SEMA6D: variants seen among roughly 807,000 people sequenced by gnomAD.
SEMA6D encodes the protein semaphorin-6D.
Under a neutral mutation model 106.6 loss-of-function variants are expected in SEMA6D, and 35 were observed. The observed-to-expected ratio is 0.33, with a 90% CI of 0.25 to 0.44. The LOEUF (loss-of-function observed/expected upper bound fraction) is 0.44, where lower values mean the gene tolerates loss of function less well. SEMA6D is among the 20% of genes least tolerant of loss of function. The pLI, the probability that SEMA6D is intolerant of heterozygous loss-of-function variation, is 1.00. For missense variants in SEMA6D, 1,185 were observed against 1,345.9 expected (o/e 0.88, Z 1.87); for synonymous variants, 499 against 487.7 (o/e 1.02, Z -0.31).
intron 1 of SEMA6D, among the ~76,000 whole-genome samples, chr15:47,203,796 T>C (rs1309908105): frequency 6.6e-6 from 1 of 152,228 alleles, no homozygotes; most frequent in Non-Finnish European, 1.5e-5. Context: ...TAAGAGTTAT[T>C]GAATGAATCT....
rs118039232 is a variant in SEMA6D, at chr15:47,567,929, G to A, written c.-86-32936G>A. On this transcript the variant is annotated intron_variant, in intron 3 of 19. Coordinates refer to the SEMA6D transcript ENST00000558014. ...AAAATTTAAATAGGTGATGCCGAGAGCGAGAAACCCACATGGCCAATAAAC... is the reference window on the plus strand; with the variant it reads ...AAAATTTAAATAGGTGATGCCGAGAACGAGAAACCCACATGGCCAATAAAC... Among the ~76,000 whole-genome samples the A allele has an allele frequency of 9.9e-3, 1,514 of 152,258 alleles. 10 individuals carry two copies. The highest frequency in any genetic ancestry group is 0.021 in the Admixed American group (317 of 15,292).
intron 3 of SEMA6D, among the ~76,000 whole-genome samples, chr15:47,565,277 ACCCCAGCT>A (rs1364699038): frequency 6.6e-6 from 1 of 152,124 alleles, no homozygotes; most frequent in Non-Finnish European, 1.5e-5. Flanking sequence ...CAAAGCGCTC[ACCCCAGCT>A]CCTGCACCCA....
At chr15:47,366,851 T>G (rs1366906196) in intron 1 of SEMA6D, among the ~76,000 whole-genome samples, 1 of 152,170 alleles carries the variant, frequency 6.6e-6, no homozygotes, top group African/African-American at 2.4e-5. Flanking sequence ...ATAGAATCCT[T>G]GTTAAACTCT....
chr15:47,401,965 C>G (rs1487161923), intron 1 of SEMA6D, among the ~76,000 whole-genome samples: 1 of 152,094 alleles, frequency 6.6e-6, no homozygotes, highest in Non-Finnish European at 1.5e-5. Context: ...GCCTCCCAAG[C>G]CAGAATTGGT....
chr15:47,393,772 T>G (rs1423613431), intron 1 of SEMA6D, among the ~76,000 whole-genome samples: 1 of 152,212 alleles, frequency 6.6e-6, no homozygotes, highest in East Asian at 1.9e-4. Flanking sequence ...CATAAATATG[T>G]TAGAAGTTGT....
chr15:47,375,256 G>A (rs2039408854), intron 1 of SEMA6D, among the ~76,000 whole-genome samples: 1 of 152,222 alleles, frequency 6.6e-6, no homozygotes, highest in Admixed American at 6.5e-5. Flanking sequence ...GGTCTAGGAA[G>A]TTATGGGATG....
At chr15:47,299,558 A>G (rs2035937888) in intron 1 of SEMA6D, among the ~76,000 whole-genome samples, 1 of 152,240 alleles carries the variant, frequency 6.6e-6, no homozygotes, top group Admixed American at 6.5e-5. Flanking sequence ...TTAAATGAAG[A>G]TGAACATTTT....
In SEMA6D at chr15:47,652,164, A is replaced by C. The variant is rs193234366; in HGVS notation, c.-55+51268A>C. Among the ~76,000 whole-genome samples the C allele has an allele frequency of 6.0e-4, 92 of 152,330 alleles. No individual in the cohort carries two copies. In the Middle Eastern group the frequency reaches 0.02, roughly 34 times the overall value. ...CACTTGGAATTCCCTGCTGTCTTTA[A>C]AAAGTACTTTGCATGTAGAAGCTTC... On this transcript the variant is annotated intron_variant, in intron 4 of 19. Transcript: ENST00000558014.
intron 2 of SEMA6D, among the ~76,000 whole-genome samples, chr15:47,434,806 T>A (rs2140629024): frequency 6.6e-6 from 1 of 152,266 alleles, no homozygotes; most frequent in African/African-American, 2.4e-5. Flanking sequence ...TGAGACTTAG[T>A]GCACAAGAGG....
At chr15:47,356,508 TGAG>T (rs1398753579) in intron 1 of SEMA6D, among the ~76,000 whole-genome samples, 4 of 148,920 alleles carry the variant, frequency 2.7e-5, no homozygotes, top group East Asian at 2.0e-4. Context: ...TGTGGGAAGA[TGAG>T]GAGGAAGAGG....
At chr15:47,564,193 T>C (rs1196040100) in intron 3 of SEMA6D, among the ~76,000 whole-genome samples, 1 of 152,138 alleles carries the variant, frequency 6.6e-6, no homozygotes, top group Non-Finnish European at 1.5e-5. Flanking sequence ...ATATTAAAAA[T>C]ACAAAAGACA....
At chr15:47,563,137 C>G (rs1354676682) in intron 3 of SEMA6D, among the ~76,000 whole-genome samples, 2 of 152,122 alleles carry the variant, frequency 1.3e-5, no homozygotes, top group Non-Finnish European at 1.5e-5. Context: ...TCTGAAAAGG[C>G]AAATATATAG....
intron 1 of SEMA6D, among the ~76,000 whole-genome samples, chr15:47,311,843 G>A (rs972334018): frequency 1.3e-5 from 2 of 152,178 alleles, no homozygotes; most frequent in African/African-American, 4.8e-5. Flanking sequence ...CCAAATGTCT[G>A]TAGCAGCTAA....
At chr15:47,460,303 C>T (rs1160922083) in intron 2 of SEMA6D, among the ~76,000 whole-genome samples, 1 of 151,886 alleles carries the variant, frequency 6.6e-6, no homozygotes, top group East Asian at 1.9e-4. Flanking sequence ...TCTTCTTTAC[C>T]CTGAAAAGCC....
intron 3 of SEMA6D, among the ~76,000 whole-genome samples, chr15:47,553,352 C>T (rs2045820576): frequency 6.6e-6 from 1 of 152,092 alleles, no homozygotes; most frequent in South Asian, 2.1e-4. Context: ...CCTCTAACTA[C>T]CAGTTAATTT....
chr15:47,632,003 A>AT (rs1018116550), intron 4 of SEMA6D, among the ~76,000 whole-genome samples: 6 of 151,434 alleles, frequency 4.0e-5, no homozygotes, highest in Admixed American at 1.3e-4. Context: ...TGAGCTCTCT[A>AT]TTTTTTTTAA....
chr15:47,463,310 C>T (rs1035755051), intron 2 of SEMA6D, among the ~76,000 whole-genome samples: 18 of 152,156 alleles, frequency 1.2e-4, no homozygotes, highest in Non-Finnish European at 2.5e-4. Flanking sequence ...CATACATGCA[C>T]CCTTTTCTTC....
chr15:47,473,197 C>T (rs1406186207), intron 3 of SEMA6D, among the ~76,000 whole-genome samples: 1 of 152,116 alleles, frequency 6.6e-6, no homozygotes, highest in Non-Finnish European at 1.5e-5. Context: ...GCAGCCTCAC[C>T]CTCACTTCAC....
At chr15:47,403,190 G>A (rs758993119) in intron 1 of SEMA6D, among the ~76,000 whole-genome samples, 1 of 152,142 alleles carries the variant, frequency 6.6e-6, no homozygotes, top group Non-Finnish European at 1.5e-5. Flanking sequence ...GTGTTGGCTG[G>A]AGGGCTTACC....
Sources: gnomAD v4.1 joint callset for allele counts (sites outside exome capture counted in the v4.1 genomes callset) on GRCh38, gnomAD v4.1.1 for gene constraint, MANE v1.5 for transcripts, NCBI Gene and HGNC (gene_info 2026-07-23, HGNC 2026-07-21) for gene names.